AGK: variants seen among roughly 807,000 people sequenced by gnomAD.
AGK encodes the protein acylglycerol kinase, mitochondrial.
A neutral mutation model predicts 66.4 loss-of-function variants in AGK; 52 were observed. The observed-to-expected ratio is 0.78, with a 90% CI of 0.63 to 0.99. The LOEUF is 0.99. AGK is among the 50% of genes least tolerant of loss of function. AGK has a pLI of 0.00. For missense variants in AGK, 451 were observed against 506.6 expected (o/e 0.89, Z 1.05); for synonymous variants, 182 against 181.1 (o/e 1.00, Z -0.04).
chr7:141,644,107 AT>A (rs1050543506), intron 13 of AGK, among the ~76,000 whole-genome samples: 4 of 150,402 alleles, frequency 2.7e-5, no homozygotes, highest in South Asian at 4.2e-4. Flanking sequence ...AAAAAAAAAA[AT>A]AGATTCTGTT....
chr7:141,556,273 G>A (rs1227351921), intron 2 of AGK, among the ~76,000 whole-genome samples: 1 of 152,032 alleles, frequency 6.6e-6, no homozygotes, highest in African/African-American at 2.4e-5. Flanking sequence ...GCGGTGGGGC[G>A]CAGTGGCTCA....
chr7:141,601,800 A>G (rs986078298), intron 5 of AGK, among the ~76,000 whole-genome samples: 6 of 152,196 alleles, frequency 3.9e-5, no homozygotes, highest in Non-Finnish European at 8.8e-5. Context: ...TGAATTTTAA[A>G]TGAGATATAT....
chr7:141,594,672 T>C (rs1796192621), intron 3 of AGK, among the ~76,000 whole-genome samples: 1 of 152,024 alleles, frequency 6.6e-6, no homozygotes, highest in Admixed American at 6.6e-5. Flanking sequence ...TTTCTTTTTT[T>C]AGACGAGTCT....
chr7:141,648,972 C>T (rs1797482462), intron 13 of AGK, among the ~76,000 whole-genome samples: 1 of 151,254 alleles, frequency 6.6e-6, no homozygotes, highest in Non-Finnish European at 1.5e-5. Context: ...CTAATAATTA[C>T]TAGTGAGTGA....
chr7:141,572,915 C>T (rs755292783), intron 2 of AGK, among the ~76,000 whole-genome samples: 2 of 152,062 alleles, frequency 1.3e-5, no homozygotes, highest in African/African-American at 4.8e-5. Context: ...GTTTGTGCTC[C>T]GTTTTTCAGT....
chr7:141,596,761 G>C (rs974359262), intron 4 of AGK, 120 bp downstream of exon 4: 1 of 770,830 alleles, frequency 1.3e-6, no homozygotes, highest in Non-Finnish European at 2.2e-6. Flanking sequence ...TACTCTTCTA[G>C]CAATAAGATT....
intron 2 of AGK, among the ~76,000 whole-genome samples, chr7:141,590,685 GTTAA>G (rs1313645872): frequency 2.0e-5 from 3 of 152,250 alleles, no homozygotes; most frequent in African/African-American, 4.8e-5. Context: ...TTAGTGACAT[GTTAA>G]TTATTTTCAA....
chr7:141,649,149 G>A, intron 13 of AGK, 114 bp from the exon 14 acceptor site: 1 of 500,884 alleles, frequency 2.0e-6, no homozygotes, highest in Non-Finnish European at 3.6e-6. Context: ...ACTACAAGTA[G>A]AGTCCCCTAT....
At chr7:141,552,216 C>G (rs1467298633) in intron 1 of AGK, among the ~76,000 whole-genome samples, 1 of 152,186 alleles carries the variant, frequency 6.6e-6, no homozygotes, top group Non-Finnish European at 1.5e-5. Context: ...TTAGCTTCTT[C>G]CAGTTCATTT....
chr7:141,620,194 A>G (rs2116972361), intron 8 of AGK, among the ~76,000 whole-genome samples: 1 of 152,344 alleles, frequency 6.6e-6, no homozygotes, highest in Non-Finnish European at 1.5e-5. Flanking sequence ...GGTTGGCTGC[A>G]GAGGGTTATG....
At chr7:141,558,702 A>T (rs1426338287) in intron 2 of AGK, among the ~76,000 whole-genome samples, 1 of 152,162 alleles carries the variant, frequency 6.6e-6, no homozygotes, top group African/African-American at 2.4e-5. Context: ...AAGAGCTTTC[A>T]TACTGTTTTC....
intron 2 of AGK, among the ~76,000 whole-genome samples, chr7:141,565,466 C>A (rs1232804586): frequency 6.6e-6 from 1 of 152,010 alleles, no homozygotes; most frequent in African/African-American, 2.4e-5. Flanking sequence ...GCCTGGCCAC[C>A]ATGGCAAAAC....
intron 4 of AGK, among the ~76,000 whole-genome samples, chr7:141,600,295 G>T (rs1796315902): frequency 6.6e-6 from 1 of 152,098 alleles, no homozygotes; most frequent in African/African-American, 2.4e-5. Context: ...TTGACTTTGA[G>T]ACTATGCCAT....
chr7:141,572,082 A>G (rs772020648), intron 2 of AGK, among the ~76,000 whole-genome samples: 11 of 152,162 alleles, frequency 7.2e-5, no homozygotes, highest in South Asian at 4.1e-4. Context: ...GTAAAGTTGC[A>G]TGTTTTCAGG....
chr7:141,567,527 A>G (rs975226559), intron 2 of AGK, among the ~76,000 whole-genome samples: 1 of 152,132 alleles, frequency 6.6e-6, no homozygotes, highest in African/African-American at 2.4e-5. Context: ...TCCCCTCTGC[A>G]TAATTTCCCC....
At chr7:141,624,745 G>T (rs113543380) in intron 9 of AGK, among the ~76,000 whole-genome samples, 1 of 152,308 alleles carries the variant, frequency 6.6e-6, no homozygotes, top group South Asian at 2.1e-4. Context: ...TGAGGATGCC[G>T]TGAACCATGT....
At position 141,653,862 on chromosome 7, in the gene AGK, A is replaced by G. The variant is rs900349469; in HGVS notation, c.*938A>G. On this transcript the variant is annotated 3_prime_UTR_variant, in exon 16 of 16. Transcript: ENST00000649286. Reference sequence around the variant, plus strand: ...AAGTATGTATTTGCTGGTGTCGTGTAAATATTGGTATTTTAAAATAAAAAC... The same window carrying G: ...AAGTATGTATTTGCTGGTGTCGTGTGAATATTGGTATTTTAAAATAAAAAC... 5.3e-4 allele frequency: 81 copies of G among 152,256 alleles called. 1 individual carries two copies. The highest frequency in any genetic ancestry group is 5.2e-3 in the Admixed American group (80 of 15,290). The allele number at this position is 152,256 out of a possible 1,614,324, so 9.4% of individuals were successfully genotyped here.
chr7:141,601,343 C>A, intron 5 of AGK, 63 bp downstream of exon 5: 1 of 1,322,860 alleles, frequency 7.6e-7, no homozygotes, highest in Non-Finnish European at 1.1e-6. Context: ...AACCTCTTCT[C>A]TTGGCTTCTT....
intron 2 of AGK, among the ~76,000 whole-genome samples, chr7:141,556,933 A>T (rs988467539): frequency 1.3e-5 from 2 of 152,224 alleles, no homozygotes; most frequent in Non-Finnish European, 2.9e-5. Context: ...TTAGTTTAAT[A>T]TGGTAATAAG....
Sources: gnomAD v4.1 joint callset for allele counts (sites outside exome capture counted in the v4.1 genomes callset) on GRCh38, gnomAD v4.1.1 for gene constraint, MANE v1.5 for transcripts, NCBI Gene and HGNC (gene_info 2026-07-23, HGNC 2026-07-21) for gene names.